Variants in CADM1 observed in about 807,000 individuals in gnomAD.
The protein encoded by CADM1 is TSLC-1.
In CADM1, 15 loss-of-function variants were observed where a neutral mutation model predicts 53.1. That is an observed-to-expected ratio of 0.28 (90% CI 0.19 to 0.44). The LOEUF (loss-of-function observed/expected upper bound fraction) is 0.44. Among genes scored for constraint, CADM1 ranks in the 20% least tolerant of loss-of-function variants. The probability of loss-of-function intolerance (pLI) is 1.00; values close to 1 mark genes in which losing one functional copy is unlikely to be tolerated. For missense variants in CADM1, 434 were observed against 611.3 expected, an observed-to-expected ratio of 0.71 and a Z score of 3.06; for synonymous variants, 281 against 243.0, an observed-to-expected ratio of 1.16 and a Z score of -1.45.
chr11:115,497,025 C>T (rs1949633957), intron 1 of CADM1, among the ~76,000 whole-genome samples: 1 of 152,134 alleles, frequency 6.6e-6, no homozygotes, highest in Non-Finnish European at 1.5e-5. Context: ...CAGATTCTTC[C>T]CACCTCCTCT....
chr11:115,264,478 G>A (rs1287113592), intron 1 of CADM1, among the ~76,000 whole-genome samples: 4 of 152,152 alleles, frequency 2.6e-5, no homozygotes, highest in African/African-American at 9.7e-5. Context: ...AGCAACCAAG[G>A]ACAGGTGTAC....
At chr11:115,350,229 C>G (rs1380933285) in intron 1 of CADM1, among the ~76,000 whole-genome samples, 1 of 152,198 alleles carries the variant, frequency 6.6e-6, no homozygotes, top group East Asian at 1.9e-4. Flanking sequence ...CCTCAGCCTC[C>G]CAAAGTTCTG....
intron 1 of CADM1, among the ~76,000 whole-genome samples, chr11:115,411,502 G>A (rs1214163098): frequency 6.6e-6 from 1 of 152,098 alleles, no homozygotes; most frequent in Non-Finnish European, 1.5e-5. Context: ...AGAATTAGGA[G>A]AGCCTTACTA....
Position 115,408,967 on chromosome 11 carries a change from G to A in CADM1, c.124+95304C>T, listed in dbSNP as rs1392745703. ...AAATAAACCAAAAGCATACAGATTG[G>A]CAAATACCAACTCTAGTTGCACAGT... On this transcript the variant is annotated intron_variant, in intron 1 of 11. Coordinates refer to ENST00000331581, the MANE Select transcript of CADM1 (RefSeq NM_001301043.2). Among the ~76,000 whole-genome samples the A allele has an allele frequency of 2.6e-5, 4 of 152,104 alleles. No individual in the cohort carries two copies. In the East Asian group the frequency reaches 7.7e-4, roughly 29 times the overall value.
chr11:115,357,200 A>C (rs1312565727), intron 1 of CADM1, among the ~76,000 whole-genome samples: 1 of 152,090 alleles, frequency 6.6e-6, no homozygotes, highest in Non-Finnish European at 1.5e-5. Context: ...GGCTCCCCCA[A>C]AGGCATTCGC....
intron 1 of CADM1, among the ~76,000 whole-genome samples, chr11:115,269,208 G>T (rs1037016436): frequency 6.6e-6 from 1 of 152,116 alleles, no homozygotes; most frequent in Admixed American, 6.5e-5. Context: ...ACTTGCTCTT[G>T]TGAAAACACA....
At chr11:115,247,181 G>A (rs892482016) in intron 1 of CADM1, among the ~76,000 whole-genome samples, 1 of 152,156 alleles carries the variant, frequency 6.6e-6, no homozygotes, top group African/African-American at 2.4e-5. Context: ...ACATAATAGA[G>A]TATAATGGCT....
intron 5 of CADM1, among the ~76,000 whole-genome samples, chr11:115,223,047 T>C (rs1424862136): frequency 6.6e-6 from 1 of 152,142 alleles, no homozygotes; most frequent in East Asian, 1.9e-4. Flanking sequence ...ATTCAAGACA[T>C]AGTTGCTGGA....
chr11:115,458,771 G>T (rs951040309), intron 1 of CADM1, among the ~76,000 whole-genome samples: 3 of 151,878 alleles, frequency 2.0e-5, no homozygotes, highest in African/African-American at 7.3e-5. Flanking sequence ...TCCATTAACA[G>T]GTCCTCCAGA....
chr11:115,427,006 T>A (rs1947909189), intron 1 of CADM1, among the ~76,000 whole-genome samples: 1 of 152,166 alleles, frequency 6.6e-6, no homozygotes, highest in Admixed American at 6.5e-5. Context: ...TCTTTAGTTT[T>A]GTTCCATAGG....
intron 10 of CADM1, among the ~76,000 whole-genome samples, chr11:115,181,024 G>A (rs189989548): frequency 7.9e-5 from 12 of 152,238 alleles, no homozygotes; most frequent in African/African-American, 2.9e-4. Context: ...GAGGTTCCAG[G>A]AAGACTGAGA....
chr11:115,173,815 GA>G lies in CADM1; in HGVS notation c.*2658del. 1 of 984,182 alleles carries G rather than the reference GA, an allele frequency of 1.0e-6. No homozygotes were observed. The highest frequency in any genetic ancestry group is 1.2e-6 in the Non-Finnish European group (1 of 829,098). 61.0% of individuals were successfully genotyped at this position (984,182 alleles called of 1,614,324 possible). A position where few individuals can be genotyped will look rare whatever the true frequency, so the allele number is the denominator to read the frequency against. On this transcript the variant is annotated 3_prime_UTR_variant, in exon 12 of 12. Coordinates refer to ENST00000331581, the MANE Select transcript of CADM1 (RefSeq NM_001301043.2). Reference sequence around the variant, plus strand: ...CTTAAAAACAGAACTGGCCTAAAGGGAAAAATAAGACGTCGGTGTGACTAAA... The same window carrying G: ...CTTAAAAACAGAACTGGCCTAAAGGGAAAATAAGACGTCGGTGTGACTAAA...
intron 1 of CADM1, among the ~76,000 whole-genome samples, chr11:115,322,736 T>G (rs1273643086): frequency 1.3e-5 from 2 of 152,200 alleles, no homozygotes; most frequent in African/African-American, 2.4e-5. Context: ...AATGTATCAG[T>G]ACTTCATTCT....
chr11:115,284,087 A>ACTCTCT lies in CADM1; in HGVS notation c.125-43673_125-43668dup, dbSNP rs141079093. ...AGGGTGAAGATCTACAAGCCCAGAC[A>ACTCTCT]CTCTCTCTCTCTCTCTCTCTCTCTC... On this transcript the variant is annotated intron_variant, in intron 1 of 11. Transcript: ENST00000331581. Among the ~76,000 whole-genome samples, 288 of 47,518 alleles carry ACTCTCT rather than the reference A, an allele frequency of 6.1e-3. 4 individuals carry two copies. The highest frequency in any genetic ancestry group is 7.8e-3 in the African/African-American group (75 of 9,578). 31.2% of individuals were successfully genotyped at this position (47,518 alleles called of 152,430 possible).
intron 5 of CADM1, among the ~76,000 whole-genome samples, chr11:115,222,767 G>C (rs575602461): frequency 5.3e-4 from 80 of 152,198 alleles, no homozygotes; most frequent in African/African-American, 1.9e-3. Context: ...TTACAAAAAA[G>C]AATCAAATTT....
intron 1 of CADM1, among the ~76,000 whole-genome samples, chr11:115,420,060 T>C (rs990259232): frequency 2.6e-5 from 4 of 152,274 alleles, no homozygotes; most frequent in Non-Finnish European, 4.4e-5. Context: ...CTTTTTAAAA[T>C]ATGCACATGC....
In CADM1 at chr11:115,248,709, T is replaced by C. The variant is rs116696153; in HGVS notation, c.125-8289A>G. Among the ~76,000 whole-genome samples the C allele has an allele frequency of 2.6e-3, 389 of 152,310 alleles. 2 individuals are homozygous for C. Among genetic ancestry groups the C allele is most frequent in the African/African-American group, 8.9e-3 (369 of 41,566 alleles). Reference sequence around the variant, plus strand: ...ATGGGCTTTTCGTTCATAAGCAAGATAGCATCTTTTTTAGAGAGAAGATAG... The same window carrying C: ...ATGGGCTTTTCGTTCATAAGCAAGACAGCATCTTTTTTAGAGAGAAGATAG... On this transcript the variant is annotated intron_variant, in intron 1 of 11. Transcript: ENST00000331581.
chr11:115,411,670 T>G (rs1947463070), intron 1 of CADM1, among the ~76,000 whole-genome samples: 1 of 152,120 alleles, frequency 6.6e-6, no homozygotes. Context: ...TTTTTTTTTA[T>G]TATTTATTTT....
intron 1 of CADM1, among the ~76,000 whole-genome samples, chr11:115,341,678 C>T (rs1945451571): frequency 6.6e-6 from 1 of 152,176 alleles, no homozygotes; most frequent in Non-Finnish European, 1.5e-5. Context: ...AACAAGCAAA[C>T]TAAGCAGCTC....
Sources: allele counts gnomAD v4.1 joint callset (sites outside exome capture counted in the v4.1 genomes callset), GRCh38; gene constraint gnomAD v4.1.1; transcripts MANE v1.5; gene names NCBI Gene and HGNC (gene_info 2026-07-23, HGNC 2026-07-21).